Variants in NFATC3 observed in about 807,000 individuals in gnomAD.
The protein encoded by NFATC3 is nuclear factor of activated T-cells, cytoplasmic 3.
Under a neutral mutation model 98.6 loss-of-function variants are expected in NFATC3, and 46 were observed. The observed-to-expected ratio is 0.47, with a 90% CI of 0.37 to 0.60. The LOEUF (loss-of-function observed/expected upper bound fraction) is 0.60. NFATC3 is among the 20% of genes least tolerant of loss of function. The pLI, the probability that NFATC3 is intolerant of heterozygous loss-of-function variation, is 0.00. For missense variants in NFATC3, 1,256 were observed against 1,295.5 expected (o/e 0.97, Z 0.47); for synonymous variants, 512 against 472.2 (o/e 1.08, Z -1.09).
chr16:68,183,770 G>A (rs1385689946), intron 8 of NFATC3, among the ~76,000 whole-genome samples: 1 of 152,046 alleles, frequency 6.6e-6, no homozygotes. Context: ...TAGGGAGGCC[G>A]AGGCGGGAGG....
At chr16:68,085,834 C>A in intron 1 of NFATC3, 50 bp downstream of exon 1, 1 of 1,312,734 alleles carries the variant, frequency 7.6e-7, no homozygotes, top group Non-Finnish European at 9.9e-7. Context: ...TTCTCGCTCG[C>A]AGGATCTCTC....
intron 9 of NFATC3, among the ~76,000 whole-genome samples, chr16:68,198,816 A>G (rs927018176): frequency 3.3e-5 from 5 of 152,226 alleles, no homozygotes; most frequent in African/African-American, 9.6e-5. Flanking sequence ...TGGGAGGCCA[A>G]GGCGGGCAGA....
intron 4 of NFATC3, among the ~76,000 whole-genome samples, chr16:68,162,165 G>A (rs979395722): frequency 6.6e-6 from 1 of 152,194 alleles, no homozygotes; most frequent in African/African-American, 2.4e-5. Context: ...TTGTGGAACA[G>A]GAGTTCTGTA....
At chr16:68,101,209 T>C (rs2035335555) in intron 1 of NFATC3, among the ~76,000 whole-genome samples, 1 of 150,638 alleles carries the variant, frequency 6.6e-6, no homozygotes, top group Non-Finnish European at 1.5e-5. Flanking sequence ...GTGGCATGAT[T>C]ATGGCTCGCT....
intron 1 of NFATC3, 69 bp downstream of exon 1, chr16:68,085,853 C>A: frequency 8.2e-7 from 1 of 1,214,140 alleles, no homozygotes; most frequent in Non-Finnish European, 1.1e-6. Context: ...TCGCTCCCTC[C>A]CTGTTCCCTT....
At chr16:68,133,374 A>C (rs978011515) in intron 3 of NFATC3, among the ~76,000 whole-genome samples, 2 of 152,248 alleles carry the variant, frequency 1.3e-5, no homozygotes, top group African/African-American at 4.8e-5. Flanking sequence ...TATACATTAT[A>C]TACATGTATC....
At chr16:68,214,577 T>A in intron 9 of NFATC3, 1 of 638,980 alleles carries the variant, frequency 1.6e-6, no homozygotes, top group South Asian at 2.0e-5. Flanking sequence ...AACTACACTT[T>A]GACTAAAAGA....
Position 68,122,052 on chromosome 16 carries a change from A to G in NFATC3, c.169A>G (p.Thr57Ala). Residue 57 changes from threonine (T) to alanine (A), a missense_variant, in exon 2 of 10, where the codon ACC (threonine) becomes GCC (alanine). Coordinates refer to ENST00000346183, the MANE Select transcript of NFATC3 (RefSeq NM_173165.3). ...TGTAGATCCACCTCCATCTACTTTA[A>G]CCACACCACTTTGCTTACCACATCA... ...FNVDPPPSTL[T>A]TPLCLPHHGL... 1 of 1,613,700 alleles carries G rather than the reference A, an allele frequency of 6.2e-7. No homozygotes were observed. The highest frequency in any genetic ancestry group is 1.1e-5 in the South Asian group (1 of 91,066).
intron 8 of NFATC3, among the ~76,000 whole-genome samples, chr16:68,188,025 C>G (rs958261691): frequency 6.6e-6 from 1 of 152,182 alleles, no homozygotes; most frequent in East Asian, 1.9e-4. Context: ...CGACCTCCCT[C>G]CCATGCTCAT....
Position 68,085,566 on chromosome 16 carries a change from C to T in NFATC3, c.-116C>T, listed in dbSNP as rs924750458. 1.6e-5 allele frequency: 14 copies of T among 877,198 alleles called. 1 individual carries two copies. Among genetic ancestry groups the T allele is most frequent in the Non-Finnish European group, 2.3e-5 (14 of 618,942 alleles). 54.3% of individuals were successfully genotyped at this position (877,198 alleles called of 1,614,324 possible). A position where few individuals can be genotyped will look rare whatever the true frequency, so the allele number is the denominator to read the frequency against. On this transcript the variant is annotated 5_prime_UTR_variant, in exon 1 of 10. Coordinates refer to ENST00000346183, the MANE Select transcript of NFATC3 (RefSeq NM_173165.3). Reference sequence around the variant, plus strand: ...CCGCCCGGAAAGTTTGCCGTGGAGTCGCGACCTCTTGGCCCGCGCGGCCCG... The same window carrying T: ...CCGCCCGGAAAGTTTGCCGTGGAGTTGCGACCTCTTGGCCCGCGCGGCCCG...
intron 9 of NFATC3, among the ~76,000 whole-genome samples, chr16:68,218,441 G>C (rs1379065442): frequency 1.3e-5 from 2 of 148,196 alleles, no homozygotes; most frequent in Non-Finnish European, 3.0e-5. Flanking sequence ...GGCCAGGTTT[G>C]GTGCTGTGCA....
intron 6 of NFATC3, among the ~76,000 whole-genome samples, chr16:68,179,878 C>A (rs899893686): frequency 6.6e-6 from 1 of 152,148 alleles, no homozygotes; most frequent in East Asian, 1.9e-4. Flanking sequence ...GAGAAAAATA[C>A]CAACTCAGCT....
chr16:68,138,796 T>C, intron 3 of NFATC3: 1 of 1,257,776 alleles, frequency 8.0e-7, no homozygotes, highest in Non-Finnish European at 1.0e-6. Context: ...CTTTGGTGGT[T>C]AGTGTGCCTT....
intron 6 of NFATC3, among the ~76,000 whole-genome samples, chr16:68,176,582 A>C (rs2039718994): frequency 6.6e-6 from 1 of 152,218 alleles, no homozygotes; most frequent in Non-Finnish European, 1.5e-5. Context: ...CATAGGCAAG[A>C]ATATTAAAAT....
chr16:68,211,371 A>G (rs1000023194), intron 9 of NFATC3, among the ~76,000 whole-genome samples: 6 of 151,520 alleles, frequency 4.0e-5, no homozygotes, highest in Non-Finnish European at 7.4e-5. Context: ...TATTTTTAGT[A>G]GAGACGGGGT....
chr16:68,088,968 A>G, intron 1 of NFATC3: 9 of 985,416 alleles, frequency 9.1e-6, no homozygotes, highest in African/African-American at 1.7e-5. Context: ...TAGCCCCTAT[A>G]TTTTGTTAAA....
In NFATC3 at chr16:68,138,405, A is replaced by G. The variant is rs1204021757; in HGVS notation, c.1401+11795A>G. The G allele has an allele frequency of 5.0e-6, 4 of 795,210 alleles. No homozygotes were observed. The South Asian group carries it at 7.2e-5, about 14-fold the overall frequency. 49.3% of individuals were successfully genotyped at this position (795,210 alleles called of 1,614,324 possible). On this transcript the variant is annotated intron_variant, in intron 3 of 9. Coordinates refer to ENST00000346183, the MANE Select transcript of NFATC3 (RefSeq NM_173165.3). ...CAAGCTCTCCTTCCTTGGATTAATC[A>G]TGGTAGCCTAACTACTGTAACTAAT...
At chr16:68,100,767 A>G (rs2035301013) in intron 1 of NFATC3, among the ~76,000 whole-genome samples, 1 of 151,862 alleles carries the variant, frequency 6.6e-6, no homozygotes, top group Admixed American at 6.6e-5. Context: ...TCTCATGACT[A>G]ATACTGTTGA....
chr16:68,130,259 C>G (rs2037049227), intron 3 of NFATC3, among the ~76,000 whole-genome samples: 1 of 152,172 alleles, frequency 6.6e-6, no homozygotes, highest in African/African-American at 2.4e-5. Context: ...TACTCACTCA[C>G]ATTTCCATAA....
Sources: gnomAD v4.1 joint callset for allele counts (sites outside exome capture counted in the v4.1 genomes callset) on GRCh38, gnomAD v4.1.1 for gene constraint, MANE v1.5 for transcripts, NCBI Gene and HGNC (gene_info 2026-07-23, HGNC 2026-07-21) for gene names.